The following CNTNAP2 variants were observed in gnomAD, a reference collection of about 807,000 sequenced individuals.
CNTNAP2 encodes contactin associated protein 2.
In CNTNAP2, 98 loss-of-function variants were observed where a neutral mutation model predicts 155.2. The ratio of observed to expected loss-of-function variants is 0.63; its 90% CI spans 0.54 to 0.75. The LOEUF is 0.75. Among genes scored for constraint, CNTNAP2 ranks in the 30% least tolerant of loss-of-function variants. CNTNAP2 has a pLI of 0.00. For synonymous variants in CNTNAP2, 651 were observed against 631.2 expected, an observed-to-expected ratio of 1.03 and a Z score of -0.47; for missense variants, 1,727 against 1,688.1, an observed-to-expected ratio of 1.02 and a Z score of -0.40.
chr7:146,835,860 A>C (rs1278940696), intron 2 of CNTNAP2, among the ~76,000 whole-genome samples: 1 of 152,136 alleles, frequency 6.6e-6, no homozygotes, highest in Non-Finnish European at 1.5e-5. Context: ...TCTTTGACCA[A>C]TCCCTGCAGG....
At chr7:147,349,953 A>T (rs778780582) in intron 9 of CNTNAP2, among the ~76,000 whole-genome samples, 2 of 151,912 alleles carry the variant, frequency 1.3e-5, no homozygotes, top group African/African-American at 2.4e-5. Flanking sequence ...ACCATCTGGA[A>T]AGAAAGATTA....
At chr7:146,941,909 T>C (rs1797065778) in intron 3 of CNTNAP2, among the ~76,000 whole-genome samples, 2 of 152,094 alleles carry the variant, frequency 1.3e-5, no homozygotes, top group South Asian at 2.1e-4. Flanking sequence ...TTAGTCTTGC[T>C]GTTTTCAGAA....
rs1018315455 is a variant in CNTNAP2, at chr7:147,172,598, A to C, written c.1348+40089A>C. ...CAATTCATGTTAATGTAAGCTTTGT[A>C]AGATATGCCATTGTTCAGGTAATTA... On this transcript the variant is annotated intron_variant, in intron 8 of 23. Transcript: ENST00000361727. Among the ~76,000 whole-genome samples the C allele has an allele frequency of 4.6e-5, 7 of 152,100 alleles. 1 individual carries two copies. The highest frequency in any genetic ancestry group is 9.7e-5 in the African/African-American group (4 of 41,410).
chr7:146,604,936 A>T (rs1324002504), intron 1 of CNTNAP2, among the ~76,000 whole-genome samples: 2 of 72,812 alleles, frequency 2.7e-5, no homozygotes, highest in Non-Finnish European at 2.5e-5. Context: ...GGGTGGGGGG[A>T]GGGGGGAGGG....
intron 4 of CNTNAP2, among the ~76,000 whole-genome samples, chr7:147,062,548 C>T (rs1289558440): frequency 1.3e-5 from 2 of 152,188 alleles, no homozygotes; most frequent in East Asian, 3.9e-4. Flanking sequence ...GAGATGATTG[C>T]TTAAGCTTTC....
chr7:146,501,647 G>A (rs1210288238), intron 1 of CNTNAP2, among the ~76,000 whole-genome samples: 2 of 152,076 alleles, frequency 1.3e-5, no homozygotes, highest in Non-Finnish European at 2.9e-5. Context: ...AAAGTAGTGT[G>A]TTGGATAGTG....
chr7:148,411,906 A>G (rs1445496160), intron 23 of CNTNAP2, among the ~76,000 whole-genome samples: 1 of 151,464 alleles, frequency 6.6e-6, no homozygotes, highest in Non-Finnish European at 1.5e-5. Flanking sequence ...GTTGGTCTAT[A>G]TATATCTTTC....
chr7:146,181,948 G>A (rs901121236), intron 1 of CNTNAP2, among the ~76,000 whole-genome samples: 5 of 152,010 alleles, frequency 3.3e-5, no homozygotes, highest in African/African-American at 1.2e-4. Context: ...AGGCTCATTG[G>A]TCATGTAGGT....
chr7:148,018,417 G>A (rs1289476394), intron 15 of CNTNAP2, among the ~76,000 whole-genome samples: 2 of 152,082 alleles, frequency 1.3e-5, no homozygotes, highest in African/African-American at 4.8e-5. Flanking sequence ...AAAGGATGGC[G>A]GTAAATATAA....
intron 9 of CNTNAP2, among the ~76,000 whole-genome samples, chr7:147,384,635 T>A (rs1269574708): frequency 6.6e-6 from 1 of 152,188 alleles, no homozygotes; most frequent in Non-Finnish European, 1.5e-5. Flanking sequence ...TGAAGAGCAA[T>A]CTCATCAATA....
chr7:146,331,935 G>A (rs1457920223), intron 1 of CNTNAP2, among the ~76,000 whole-genome samples: 1 of 152,036 alleles, frequency 6.6e-6, no homozygotes, highest in Admixed American at 6.6e-5. Context: ...AAGGAAGCAG[G>A]CTATCACATA....
chr7:147,424,438 T>C (rs1584940909), intron 10 of CNTNAP2, among the ~76,000 whole-genome samples: 1 of 152,114 alleles, frequency 6.6e-6, no homozygotes, highest in African/African-American at 2.4e-5. Context: ...CATTTTCTTG[T>C]AGTTTTCTTA....
intron 18 of CNTNAP2, among the ~76,000 whole-genome samples, chr7:148,175,637 A>T (rs576623822): frequency 3.3e-5 from 5 of 152,282 alleles, no homozygotes; most frequent in Admixed American, 3.3e-4. Context: ...AGACCTCAAG[A>T]CACTAGTATC....
chr7:146,994,641 A>G (rs1357735491), intron 3 of CNTNAP2, among the ~76,000 whole-genome samples: 2 of 152,084 alleles, frequency 1.3e-5, no homozygotes, highest in East Asian at 1.9e-4. Context: ...CAAGAATGTA[A>G]CTAGTGATTG....
At chr7:147,106,920 A>T (rs1021400219) in intron 4 of CNTNAP2, among the ~76,000 whole-genome samples, 2 of 152,142 alleles carry the variant, frequency 1.3e-5, no homozygotes, top group African/African-American at 4.8e-5. Flanking sequence ...CTAGGACATG[A>T]AATGAGAAAA....
At chr7:146,683,017 T>C (rs1800531678) in intron 1 of CNTNAP2, among the ~76,000 whole-genome samples, 1 of 152,034 alleles carries the variant, frequency 6.6e-6, no homozygotes, top group Admixed American at 6.5e-5. Context: ...TGTATACATA[T>C]ATAACATTGT....
At chr7:146,712,277 C>CATATATGTATACATATCTTATGTATACT (rs1801102247) in intron 1 of CNTNAP2, among the ~76,000 whole-genome samples, 1 of 15,314 alleles carries the variant, frequency 6.5e-5, no homozygotes, top group African/African-American at 9.5e-5. Flanking sequence ...CTTATGTATA[C>CATATATGTATACATATCTTATGTATACT]ATATATGTAT....
intron 1 of CNTNAP2, among the ~76,000 whole-genome samples, chr7:146,371,070 AT>A (rs935003305): frequency 6.6e-6 from 1 of 151,998 alleles, no homozygotes; most frequent in Non-Finnish European, 1.5e-5. Flanking sequence ...TGTAATAATG[AT>A]TTTTTTCTCC....
chr7:146,285,477 C>T (rs1335338686), intron 1 of CNTNAP2, among the ~76,000 whole-genome samples: 2 of 151,918 alleles, frequency 1.3e-5, no homozygotes, highest in African/African-American at 2.4e-5. Context: ...ACCGAGAAAA[C>T]ATTTAAGGTT....
Sources: gnomAD v4.1 joint callset for allele counts (sites outside exome capture counted in the v4.1 genomes callset) on GRCh38, gnomAD v4.1.1 for gene constraint, MANE v1.5 for transcripts, NCBI Gene and HGNC (gene_info 2026-07-23, HGNC 2026-07-21) for gene names.